The following IMPG1 variants were observed in gnomAD, a reference collection of about 807,000 sequenced individuals.
The protein encoded by IMPG1 is interphotoreceptor matrix proteoglycan of 150 kDa.
A neutral mutation model predicts 92.0 loss-of-function variants in IMPG1; 85 were observed. The ratio of observed to expected loss-of-function variants is 0.92; its 90% confidence interval spans 0.78 to 1.11. The LOEUF (loss-of-function observed/expected upper bound fraction) is 1.11. IMPG1 is among the 50% of genes least tolerant of loss of function. The pLI, the probability that IMPG1 is intolerant of heterozygous loss-of-function variation, is 0.00. For missense variants in IMPG1, 1,022 were observed against 956.0 expected (o/e 1.07, Z -0.91); for synonymous variants, 367 against 334.1 (o/e 1.10, Z -1.08).
In IMPG1 at chr6:76,007,510, A is replaced by G. The variant is rs773599322; in HGVS notation, c.867-10T>C. On this transcript the variant is annotated splice_polypyrimidine_tract_variant and intron_variant, in intron 8 of 16. Transcript: ENST00000369950. ...TTTTTCTTTCTTTGGTCTTCATTTC[A>G]TCATGCACAATGGAAACATGAAAAA... is the stretch of plus-strand genomic sequence containing the variant. The G allele has an allele frequency of 6.9e-6, 11 of 1,590,558 alleles. No individual in the cohort carries two copies. Among genetic ancestry groups the G allele is most frequent in the Middle Eastern group, 1.7e-4 (1 of 5,950 alleles).
chr6:76,054,698 C>T (rs977673673), intron 1 of IMPG1, among the ~76,000 whole-genome samples: 5 of 152,106 alleles, frequency 3.3e-5, no homozygotes, highest in African/African-American at 9.7e-5. Context: ...TGTGTTAATA[C>T]TCTTTCATGA....
intron 1 of IMPG1, among the ~76,000 whole-genome samples, chr6:76,068,113 C>A (rs1318516825): frequency 6.6e-6 from 1 of 152,092 alleles, no homozygotes; most frequent in Non-Finnish European, 1.5e-5. Flanking sequence ...AAAGCATACC[C>A]CTAAGAACTG....
chr6:75,941,117 T>TG (rs5877463), intron 14 of IMPG1, among the ~76,000 whole-genome samples: 42,885 of 152,048 alleles, frequency 0.28, 6,191 homozygotes, highest in South Asian at 0.35. Context: ...GGGGCAGAGA[T>TG]GGGGTCGATT....
chr6:75,975,129 C>G lies in IMPG1; in HGVS notation c.1292-24035G>C, dbSNP rs918895939. On this transcript the variant is annotated intron_variant, in intron 12 of 16. Coordinates refer to ENST00000369950, the MANE Select transcript of IMPG1 (RefSeq NM_001563.4). Reference sequence around the variant, plus strand: ...AGCCTGGGTCTACATCTTGGTAGCCCCTTACACAGAGTACTTTGCAACATA... The same window carrying G: ...AGCCTGGGTCTACATCTTGGTAGCCGCTTACACAGAGTACTTTGCAACATA... Among the ~76,000 whole-genome samples the G allele has an allele frequency of 5.3e-5, 8 of 152,148 alleles. No homozygotes were observed. The South Asian group carries it at 1.7e-3, about 32-fold the overall frequency.
At chr6:76,052,140 G>C (rs150246481) in intron 1 of IMPG1, among the ~76,000 whole-genome samples, 1 of 152,156 alleles carries the variant, frequency 6.6e-6, no homozygotes, top group Non-Finnish European at 1.5e-5. Context: ...TGCCTCTTTC[G>C]TGCCCAGAGG....
intron 12 of IMPG1, among the ~76,000 whole-genome samples, chr6:75,981,197 C>T (rs1205467237): frequency 1.3e-5 from 2 of 152,164 alleles, no homozygotes; most frequent in Non-Finnish European, 2.9e-5. Flanking sequence ...CTGGTAAAGT[C>T]TTAAGTCAAG....
intron 12 of IMPG1, among the ~76,000 whole-genome samples, chr6:75,985,446 G>A (rs1562359413): frequency 6.6e-6 from 1 of 152,064 alleles, no homozygotes; most frequent in East Asian, 1.9e-4. Context: ...CCAGATCAGA[G>A]ATCATAACTT....
At chr6:76,027,358 C>T (rs764207591) in intron 4 of IMPG1, among the ~76,000 whole-genome samples, 3 of 152,106 alleles carry the variant, frequency 2.0e-5, no homozygotes, top group Non-Finnish European at 4.4e-5. Context: ...AGGCAAACCT[C>T]GGCTGCAGTC....
At chr6:76,043,394 A>T (rs188367108) in intron 1 of IMPG1, among the ~76,000 whole-genome samples, 1 of 152,198 alleles carries the variant, frequency 6.6e-6, no homozygotes, top group Non-Finnish European at 1.5e-5. Context: ...GCTGTAAAGC[A>T]TAAAAGTCCC....
intron 12 of IMPG1, among the ~76,000 whole-genome samples, chr6:75,993,222 C>G (rs765767293): frequency 6.6e-6 from 1 of 152,046 alleles, no homozygotes; most frequent in Non-Finnish European, 1.5e-5. Context: ...CAAATTTAGG[C>G]CTCGGAAACA....
At chr6:75,956,909 T>G (rs1403608202) in intron 12 of IMPG1, among the ~76,000 whole-genome samples, 1 of 151,948 alleles carries the variant, frequency 6.6e-6, no homozygotes, top group Admixed American at 6.6e-5. Context: ...TCATTTTGAG[T>G]GAGTTTCTTT....
intron 12 of IMPG1, among the ~76,000 whole-genome samples, chr6:75,981,819 G>T (rs576399013): frequency 2.3e-3 from 350 of 152,338 alleles, no homozygotes; most frequent in African/African-American, 8.2e-3. Flanking sequence ...CTAAATGTCT[G>T]TTTTTAAAAG....
chr6:76,043,605 G>A (rs1224454973), intron 1 of IMPG1, among the ~76,000 whole-genome samples: 2 of 152,042 alleles, frequency 1.3e-5, no homozygotes, highest in Admixed American at 6.6e-5. Flanking sequence ...TGTAGAATAC[G>A]GGCATCAGCA....
chr6:76,035,005 T>C (rs763434214), intron 2 of IMPG1, among the ~76,000 whole-genome samples: 1 of 151,652 alleles, frequency 6.6e-6, no homozygotes, highest in Non-Finnish European at 1.5e-5. Flanking sequence ...TGTGCGTGTG[T>C]GTGTGTGTGT....
intron 12 of IMPG1, among the ~76,000 whole-genome samples, chr6:75,976,109 T>C (rs1258404142): frequency 2.0e-5 from 3 of 152,216 alleles, no homozygotes; most frequent in Non-Finnish European, 4.4e-5. Context: ...GATAACATCT[T>C]ATTGGTTTCC....
chr6:76,045,162 T>C (rs935357293), intron 1 of IMPG1, among the ~76,000 whole-genome samples: 2 of 152,204 alleles, frequency 1.3e-5, no homozygotes, highest in Non-Finnish European at 2.9e-5. Flanking sequence ...AAATAAATTA[T>C]AAGGTCACCC....
At chr6:75,998,635 A>G (rs1360396018) in intron 12 of IMPG1, among the ~76,000 whole-genome samples, 2 of 152,160 alleles carry the variant, frequency 1.3e-5, no homozygotes, top group African/African-American at 4.8e-5. Context: ...AAAGTCTGCA[A>G]TTTGGGAGGG....
In IMPG1 at chr6:76,005,406, G is replaced by T. The variant is rs112474181; in HGVS notation, c.1016C>A (p.Thr339Asn). The T allele has an allele frequency of 9.7e-5, 157 of 1,614,070 alleles. 1 individual carries two copies. Among genetic ancestry groups the T allele is most frequent in the African/African-American group, 4.3e-4 (32 of 75,014 alleles). Residue 339 changes from threonine (T) to asparagine (N), a missense_variant, in exon 10 of 17, where the codon ACC becomes AAC. Transcript: ENST00000369950. ...TTCTGGTTGCTTGTCCTCCTCCATGGTTCCATGATAGACTTCCTCACTTTC... is the reference window on the plus strand; with the variant it reads ...TTCTGGTTGCTTGTCCTCCTCCATGTTTCCATGATAGACTTCCTCACTTTC... The part of the protein sequence containing the change: ...KIESEEVYHG[T>N]MEEDKQPEIY...
At chr6:75,969,191 T>C (rs988387062) in intron 12 of IMPG1, among the ~76,000 whole-genome samples, 1 of 151,980 alleles carries the variant, frequency 6.6e-6, no homozygotes, top group African/African-American at 2.4e-5. Context: ...TCAAAGGATA[T>C]AAAATTTCAG....
Sources: gnomAD v4.1 joint callset for allele counts (sites outside exome capture counted in the v4.1 genomes callset) on GRCh38, gnomAD v4.1.1 for gene constraint, MANE v1.5 for transcripts, NCBI Gene and HGNC (gene_info 2026-07-23, HGNC 2026-07-21) for gene names.